Variants in FSD1L observed in about 807,000 individuals in gnomAD.
FSD1L encodes the protein fibronectin type III and SPRY domain containing 1 like, also known as FSD1-like protein.
In FSD1L, 45 loss-of-function variants were observed where a neutral mutation model predicts 71.6. That is an observed-to-expected ratio of 0.63 (90% CI 0.49 to 0.81). The LOEUF (loss-of-function observed/expected upper bound fraction) is 0.81, where lower values mean the gene tolerates loss of function less well. Ranked by LOEUF, FSD1L falls within the 30% of genes least tolerant of loss-of-function variation. FSD1L has a pLI of 0.00. For missense variants in FSD1L, 561 were observed against 618.1 expected (o/e 0.91, Z 0.98); for synonymous variants, 197 against 207.2 (o/e 0.95, Z 0.42).
In FSD1L at chr9:105,458,970, C is replaced by T. The variant is rs78364414; in HGVS notation, c.16-2550C>T. ...GAGGGATAGACTGGGGTAGAAAACT[C>T]GTTGAATTATGATATATTTTAGATC... On this transcript the variant is annotated intron_variant, in intron 1 of 13. Transcript: ENST00000481272. 7.9e-3 allele frequency among the ~76,000 whole-genome samples: 1,208 copies of T among 152,288 alleles called. 10 individuals are homozygous for T. The highest frequency in any genetic ancestry group is 0.02 in the Middle Eastern group (6 of 294).
intron 10 of FSD1L, chr9:105,520,132 T>A: frequency 1.9e-6 from 3 of 1,601,310 alleles, no homozygotes; most frequent in Non-Finnish European, 2.6e-6. Flanking sequence ...GGCAGGATGT[T>A]CTCCAAGAAG....
chr9:105,450,990 T>C (rs1829961642), intron 1 of FSD1L, among the ~76,000 whole-genome samples: 1 of 152,110 alleles, frequency 6.6e-6, no homozygotes, highest in South Asian at 2.1e-4. Flanking sequence ...GAAGTCTCGC[T>C]CTGTGGCCCA....
In FSD1L at chr9:105,514,948, C is replaced by T. The variant is rs116823133; in HGVS notation, c.1025+2012C>T. ...CAGACCATCACTCCTCCCCTGACCT[C>T]TGCCCTAAAGCAGTTTTACGCAGAG... On this transcript the variant is annotated intron_variant, in intron 10 of 13. Coordinates refer to ENST00000481272, the MANE Select transcript of FSD1L (RefSeq NM_001145313.3). 9.2e-3 allele frequency among the ~76,000 whole-genome samples: 1,400 copies of T among 152,286 alleles called. 22 individuals are homozygous for T. The highest frequency in any genetic ancestry group is 0.032 in the African/African-American group (1,341 of 41,560).
At chr9:105,521,427 A>G (rs909666757) in intron 10 of FSD1L, 2 of 1,604,288 alleles carry the variant, frequency 1.2e-6, no homozygotes, top group Admixed American at 3.3e-5. Context: ...AGAACATCTC[A>G]CAGACATTGA....
chr9:105,471,629 A>G (rs779128306), intron 4 of FSD1L, among the ~76,000 whole-genome samples: 1 of 151,466 alleles, frequency 6.6e-6, no homozygotes, highest in Non-Finnish European at 1.5e-5. Flanking sequence ...CTTTACCTGT[A>G]TGCAGTGAAG....
chr9:105,453,041 G>GT lies in FSD1L; in HGVS notation c.15+4808dup, dbSNP rs199944358. Among the ~76,000 whole-genome samples, 53 of 110,598 alleles carry GT rather than the reference G, an allele frequency of 4.8e-4. 1 individual carries two copies. The highest frequency in any genetic ancestry group is 1.3e-3 in the African/African-American group (32 of 25,376). The allele number at this position is 110,598 out of a possible 152,430, so 72.6% of individuals were successfully genotyped here. ...TATGAGCCATCACGTCTGACCTAAA[G>GT]TTGTTTTTTTTTTTTTTTTTTTTTT... On this transcript the variant is annotated intron_variant, in intron 1 of 13. Transcript: ENST00000481272.
At chr9:105,469,202 A>G (rs553169352) in intron 4 of FSD1L, among the ~76,000 whole-genome samples, 6 of 152,188 alleles carry the variant, frequency 3.9e-5, no homozygotes, top group Non-Finnish European at 7.3e-5. Context: ...CCTCTTAGCT[A>G]TTGTGAATAA....
intron 7 of FSD1L, among the ~76,000 whole-genome samples, chr9:105,494,345 G>T (rs1454937221): frequency 4.0e-5 from 6 of 151,896 alleles, no homozygotes; most frequent in African/African-American, 1.5e-4. Flanking sequence ...TTGGCTTTCA[G>T]CTCCATCAGC....
At position 105,489,814 on chromosome 9, in the gene FSD1L, G is replaced by A. The variant is rs373713335; in HGVS notation, c.586+5312G>A. ...AATGATGATTTCCAGTTTCATCCAC[G>A]TCCCTACAAAGGACATGAACTCATC... On this transcript the variant is annotated intron_variant, in intron 7 of 13. Coordinates refer to ENST00000481272, the MANE Select transcript of FSD1L (RefSeq NM_001145313.3). Among the ~76,000 whole-genome samples, 37 of 152,258 alleles carry A rather than the reference G, an allele frequency of 2.4e-4. No individual in the cohort carries two copies. In the South Asian group the frequency reaches 4.6e-3, roughly 19 times the overall value.
intron 7 of FSD1L, among the ~76,000 whole-genome samples, chr9:105,505,903 C>A (rs538501027): frequency 2.0e-5 from 3 of 152,134 alleles, no homozygotes; most frequent in Admixed American, 6.5e-5. Flanking sequence ...ATATGTCTTT[C>A]ATGGAAAAGA....
chr9:105,471,859 G>A, intron 4 of FSD1L, 45 bp from the exon 5 acceptor site: 1 of 761,778 alleles, frequency 1.3e-6, no homozygotes, highest in South Asian at 2.5e-5. Flanking sequence ...AATGGCAATA[G>A]GAAACTTCAT....
Position 105,506,531 on chromosome 9 carries a change from A to T in FSD1L, c.719A>T (p.Asp240Val). 1 of 1,551,152 alleles carries T rather than the reference A, an allele frequency of 6.4e-7. No homozygotes were observed. Among genetic ancestry groups the T allele is most frequent in the Non-Finnish European group, 8.7e-7 (1 of 1,146,510 alleles). Residue 240 changes from aspartate (D) to valine (V), a missense_variant, in exon 8 of 14, where the codon GAT (aspartate) becomes GTT (valine). By Grantham distance (152) the Asp-to-Val change is radical (BLOSUM62 -3). Around this residue, in one of 3 missense-constraint regions of FSD1L, gnomAD observed 410 missense variants for 413.5 expected, o/e 0.99. Coordinates refer to ENST00000481272, the MANE Select transcript of FSD1L (RefSeq NM_001145313.3). ...FILEHRKTNF[D>V]GLPRVKDERC... ...CTGGAACATAGGAAGACTAATTTTG[A>T]TGGACTTCCACGTGTAAAGGATGAG...
At chr9:105,454,060 G>A (rs1375822865) in intron 1 of FSD1L, among the ~76,000 whole-genome samples, 2 of 151,926 alleles carry the variant, frequency 1.3e-5, no homozygotes, top group Non-Finnish European at 2.9e-5. Context: ...TATAAATATA[G>A]GTAATACAAG....
chr9:105,539,391 T>C, intron 13 of FSD1L, 40 bp downstream of exon 13: 2 of 915,678 alleles, frequency 2.2e-6, no homozygotes, highest in Non-Finnish European at 3.2e-6. Flanking sequence ...TAACATATTT[T>C]ACTTGGTTGG....
chr9:105,469,802 C>G (rs568463269), intron 4 of FSD1L, among the ~76,000 whole-genome samples: 1 of 149,006 alleles, frequency 6.7e-6, no homozygotes, highest in South Asian at 2.1e-4. Flanking sequence ...TCTAATTTGT[C>G]TATTTTTGCT....
chr9:105,483,706 T>G (rs1055846400), intron 6 of FSD1L, among the ~76,000 whole-genome samples: 1 of 152,212 alleles, frequency 6.6e-6, no homozygotes, highest in Non-Finnish European at 1.5e-5. Flanking sequence ...AGTAAATGTT[T>G]ATTGAATTCC....
intron 13 of FSD1L, among the ~76,000 whole-genome samples, chr9:105,543,030 T>C (rs1836729627): frequency 6.6e-6 from 1 of 152,194 alleles, no homozygotes; most frequent in Admixed American, 6.5e-5. Context: ...TTCTAAATCA[T>C]TTAAATAATT....
intron 4 of FSD1L, among the ~76,000 whole-genome samples, 178 bp from the exon 5 acceptor site, chr9:105,471,726 A>G (rs909604579): frequency 1.7e-5 from 2 of 115,638 alleles, no homozygotes; most frequent in African/African-American, 4.4e-5. Context: ...AACACGTTTT[A>G]TATATATATA....
At chr9:105,500,078 C>A (rs1015025522) in intron 7 of FSD1L, among the ~76,000 whole-genome samples, 3 of 152,172 alleles carry the variant, frequency 2.0e-5, no homozygotes, top group African/African-American at 7.2e-5. Context: ...TTCTTTTATG[C>A]TGTCTACTTT....
Sources: allele counts gnomAD v4.1 joint callset (sites outside exome capture counted in the v4.1 genomes callset), GRCh38; gene constraint gnomAD v4.1.1; regional missense constraint gnomAD v4.1.1; transcripts MANE v1.5; gene names NCBI Gene and HGNC (gene_info 2026-07-23, HGNC 2026-07-21).